PTPRR: variants seen among roughly 807,000 people sequenced by gnomAD.
PTPRR encodes the protein receptor-type tyrosine-protein phosphatase R.
A neutral mutation model predicts 77.2 loss-of-function variants in PTPRR; 38 were observed. The observed-to-expected ratio is 0.49, with a 90% confidence interval of 0.38 to 0.65. The LOEUF is 0.65. Ranked by LOEUF, PTPRR falls within the 30% of genes least tolerant of loss-of-function variation. The probability of loss-of-function intolerance (pLI) is 0.00; values close to 1 mark genes in which losing one functional copy is unlikely to be tolerated. For synonymous variants in PTPRR, 299 were observed against 283.1 expected (o/e 1.06, Z -0.57); for missense variants, 744 against 799.2 (o/e 0.93, Z 0.83).
At chr12:70,773,913 G>A (rs906242873) in intron 2 of PTPRR, among the ~76,000 whole-genome samples, 1 of 152,174 alleles carries the variant, frequency 6.6e-6, no homozygotes, top group South Asian at 2.1e-4. Context: ...AGGACAAGTA[G>A]GATTTGGAAA....
chr12:70,766,873 G>T (rs1279345410), intron 2 of PTPRR, among the ~76,000 whole-genome samples: 2 of 152,140 alleles, frequency 1.3e-5, no homozygotes, highest in Non-Finnish European at 2.9e-5. Context: ...CATTCTTAAA[G>T]AAAAGAATTT....
chr12:70,778,242 C>T (rs1443235849), intron 2 of PTPRR, among the ~76,000 whole-genome samples: 1 of 152,046 alleles, frequency 6.6e-6, no homozygotes, highest in Non-Finnish European at 1.5e-5. Context: ...TGCTATTTTC[C>T]AATGCCTTCT....
intron 6 of PTPRR, among the ~76,000 whole-genome samples, chr12:70,710,777 A>C (rs757700515): frequency 4.6e-5 from 7 of 152,158 alleles, no homozygotes; most frequent in Non-Finnish European, 8.8e-5. Flanking sequence ...ATATAGGTGC[A>C]GTCAACAATC....
intron 6 of PTPRR, among the ~76,000 whole-genome samples, chr12:70,728,651 A>G (rs1889545288): frequency 6.7e-6 from 1 of 149,132 alleles, no homozygotes; most frequent in South Asian, 2.1e-4. Context: ...ATGTTCAATA[A>G]GTTTTGAATT....
intron 1 of PTPRR, among the ~76,000 whole-genome samples, chr12:70,902,796 G>A (rs955975272): frequency 5.3e-5 from 8 of 151,644 alleles, no homozygotes; most frequent in Non-Finnish European, 1.2e-4. Flanking sequence ...CATACTGGTT[G>A]GGTGATGGGT....
intron 6 of PTPRR, among the ~76,000 whole-genome samples, chr12:70,730,693 A>G (rs1462529213): frequency 6.6e-6 from 1 of 151,950 alleles, no homozygotes; most frequent in Non-Finnish European, 1.5e-5. Flanking sequence ...ACATGGTGGC[A>G]TGTGCTTATA....
chr12:70,756,868 G>A (rs1890575995), intron 4 of PTPRR, among the ~76,000 whole-genome samples: 1 of 152,110 alleles, frequency 6.6e-6, no homozygotes, highest in South Asian at 2.1e-4. Flanking sequence ...GAGGATCTAG[G>A]AGATACACCT....
chr12:70,676,367 G>C (rs534352069), intron 10 of PTPRR, among the ~76,000 whole-genome samples: 2 of 151,834 alleles, frequency 1.3e-5, no homozygotes, highest in African/African-American at 2.4e-5. Flanking sequence ...TTTTTGGATA[G>C]TAACTTGTTC....
intron 10 of PTPRR, among the ~76,000 whole-genome samples, chr12:70,669,531 T>C (rs2136692541): frequency 6.7e-6 from 1 of 149,052 alleles, no homozygotes; most frequent in African/African-American, 2.5e-5. Flanking sequence ...GCTATATATA[T>C]ACACACAAGC....
intron 13 of PTPRR, among the ~76,000 whole-genome samples, chr12:70,641,375 C>T (rs1297001977): frequency 6.6e-6 from 1 of 151,816 alleles, no homozygotes. Flanking sequence ...ATGTTCTGGT[C>T]AGCACTGGTA....
At chr12:70,821,213 C>CCTTTTTTTTTTTTTTTTTTTTTTTTT (rs1892002811) in intron 2 of PTPRR, among the ~76,000 whole-genome samples, 1 of 31,972 alleles carries the variant, frequency 3.1e-5, no homozygotes, top group Non-Finnish European at 6.1e-5. Context: ...GGGATCACTG[C>CCTTTTTTTTTTTTTTTTTTTTTTTTT]TTTTTTTTTT....
intron 8 of PTPRR, among the ~76,000 whole-genome samples, chr12:70,688,568 G>A (rs1442314324): frequency 6.6e-6 from 1 of 152,152 alleles, no homozygotes; most frequent in Non-Finnish European, 1.5e-5. Flanking sequence ...TGAAGAAAAG[G>A]GAGCTCTGGT....
chr12:70,662,269 T>C (rs192028922), intron 11 of PTPRR, among the ~76,000 whole-genome samples: 1 of 152,348 alleles, frequency 6.6e-6, no homozygotes, highest in East Asian at 1.9e-4. Context: ...CACAACATCC[T>C]ACATAATGAA....
At chr12:70,838,464 C>A (rs566161301) in intron 2 of PTPRR, among the ~76,000 whole-genome samples, 1 of 152,268 alleles carries the variant, frequency 6.6e-6, no homozygotes, top group African/African-American at 2.4e-5. Flanking sequence ...AAGCTCTTGT[C>A]TGCTGTCAGC....
intron 2 of PTPRR, among the ~76,000 whole-genome samples, chr12:70,869,226 C>T (rs1892918832): frequency 6.6e-6 from 1 of 151,952 alleles, no homozygotes; most frequent in African/African-American, 2.4e-5. Context: ...TATTTTTAGA[C>T]AATAGAATTC....
intron 2 of PTPRR, among the ~76,000 whole-genome samples, chr12:70,782,018 T>A (rs1891213028): frequency 6.6e-6 from 1 of 152,192 alleles, no homozygotes; most frequent in African/African-American, 2.4e-5. Flanking sequence ...ATTGATAAGC[T>A]AATTAAAACA....
intron 10 of PTPRR, among the ~76,000 whole-genome samples, chr12:70,674,081 GCAC>G (rs1304662392): frequency 2.0e-5 from 3 of 151,800 alleles, no homozygotes; most frequent in Non-Finnish European, 2.9e-5. Flanking sequence ...CAACAGGTGC[GCAC>G]CACCACCCCT....
chr12:70,869,105 A>G (rs1019782486), intron 2 of PTPRR, among the ~76,000 whole-genome samples: 3 of 151,764 alleles, frequency 2.0e-5, no homozygotes, highest in African/African-American at 7.3e-5. Context: ...TAATGGGTGC[A>G]GCACACCAAC....
At chr12:70,824,403 T>C (rs984966380) in intron 2 of PTPRR, among the ~76,000 whole-genome samples, 3 of 152,156 alleles carry the variant, frequency 2.0e-5, no homozygotes. Context: ...TTTTTTAAAA[T>C]GTAAGAAATA....
Sources: allele counts gnomAD v4.1 joint callset (sites outside exome capture counted in the v4.1 genomes callset), GRCh38; gene constraint gnomAD v4.1.1; transcripts MANE v1.5; gene names NCBI Gene and HGNC (gene_info 2026-07-23, HGNC 2026-07-21).